FAM81A: variants seen among roughly 807,000 people sequenced by gnomAD.
FAM81A encodes the protein family with sequence similarity 81 member A.
A neutral mutation model predicts 46.7 loss-of-function variants in FAM81A; 19 were observed. The observed-to-expected ratio is 0.41, with a 90% CI of 0.28 to 0.60. The LOEUF (loss-of-function observed/expected upper bound fraction) is 0.60. Among genes scored for constraint, FAM81A ranks in the 20% least tolerant of loss-of-function variants. The pLI is 0.34. For synonymous variants in FAM81A, 183 were observed against 152.9 expected (o/e 1.20, Z -1.45); for missense variants, 377 against 453.5 (o/e 0.83, Z 1.53).
intron 5 of FAM81A, among the ~76,000 whole-genome samples, chr15:59,507,674 T>C (rs531733413): frequency 7.4e-4 from 112 of 152,340 alleles, no homozygotes; most frequent in African/African-American, 2.4e-3. Context: ...ATCCTTTACA[T>C]GCCACTCGTC....
chr15:59,451,752 C>A (rs1010135393), intron 1 of FAM81A, among the ~76,000 whole-genome samples: 1 of 152,186 alleles, frequency 6.6e-6, no homozygotes, highest in Non-Finnish European at 1.5e-5. Flanking sequence ...CACATCTGGT[C>A]ACCAATACAT....
At chr15:59,416,755 A>G (rs933403242) in intron 2 of FAM81A, among the ~76,000 whole-genome samples, 6 of 152,148 alleles carry the variant, frequency 3.9e-5, no homozygotes, top group Admixed American at 2.6e-4. Flanking sequence ...TAATGACCCT[A>G]TGAAGCAGGT....
intron 2 of FAM81A, among the ~76,000 whole-genome samples, chr15:59,412,581 G>A (rs1406772156): frequency 6.6e-6 from 1 of 152,212 alleles, no homozygotes; most frequent in African/African-American, 2.4e-5. Context: ...ACAAAAATTA[G>A]CTTGGCGTGG....
chr15:59,453,404 G>C (rs1230649456), intron 1 of FAM81A, among the ~76,000 whole-genome samples: 3 of 152,192 alleles, frequency 2.0e-5, no homozygotes, highest in African/African-American at 7.2e-5. Context: ...ACATAAATGT[G>C]CTTCATGAGT....
intron 3 of FAM81A, among the ~76,000 whole-genome samples, chr15:59,484,792 G>C (rs1472938293): frequency 3.3e-5 from 5 of 152,176 alleles, no homozygotes; most frequent in Admixed American, 3.3e-4. Flanking sequence ...CTTGGCCACA[G>C]TGGAGAGGAG....
chr15:59,433,431 T>C (rs1358695923), upstream of FAM81A, among the ~76,000 whole-genome samples: 3 of 152,136 alleles, frequency 2.0e-5, no homozygotes, highest in Non-Finnish European at 4.4e-5. Flanking sequence ...ATTAAAAGGA[T>C]CTTCTCAATA....
intron 1 of FAM81A, among the ~76,000 whole-genome samples, chr15:59,449,563 C>T (rs1051183737): frequency 2.0e-5 from 3 of 152,074 alleles, no homozygotes; most frequent in East Asian, 1.9e-4. Flanking sequence ...GGGCGGATCA[C>T]GAGGTCAGGA....
intron 3 of FAM81A, among the ~76,000 whole-genome samples, chr15:59,461,580 C>T (rs908598628): frequency 2.0e-5 from 3 of 152,174 alleles, no homozygotes; most frequent in African/African-American, 7.2e-5. Context: ...CTCAGCCTCC[C>T]AAAGTGCTGG....
At chr15:59,449,551 G>A (rs1264799820) in intron 1 of FAM81A, among the ~76,000 whole-genome samples, 2 of 152,086 alleles carry the variant, frequency 1.3e-5, no homozygotes, top group Non-Finnish European at 2.9e-5. Context: ...GGAGGCCAAG[G>A]CGGGCGGATC....
chr15:59,433,324 T>C (rs933663135), upstream of FAM81A, among the ~76,000 whole-genome samples: 1 of 151,678 alleles, frequency 6.6e-6, no homozygotes, highest in Non-Finnish European at 1.5e-5. Flanking sequence ...GAAAGTGTTA[T>C]GTTGAGGGCT....
chr15:59,487,369 AAGAGC>A (rs1405039021), intron 3 of FAM81A, among the ~76,000 whole-genome samples: 1 of 148,972 alleles, frequency 6.7e-6, no homozygotes, highest in Non-Finnish European at 1.5e-5. Flanking sequence ...TCAGAAAAGC[AAGAGC>A]AAACCAAACC....
intron 2 of FAM81A, among the ~76,000 whole-genome samples, chr15:59,412,437 T>C (rs1408191085): frequency 6.6e-6 from 1 of 152,060 alleles, no homozygotes; most frequent in African/African-American, 2.4e-5. Flanking sequence ...CAAAGAATAG[T>C]GTTACAAGCC....
chr15:59,433,389 A>C (rs375553729), upstream of FAM81A, among the ~76,000 whole-genome samples: 66 of 152,170 alleles, frequency 4.3e-4, no homozygotes, highest in African/African-American at 1.5e-3. Context: ...GTTATGTACA[A>C]CTGCAATTAT....
intron 3 of FAM81A, among the ~76,000 whole-genome samples, chr15:59,465,387 C>T (rs1486645682): frequency 1.3e-5 from 2 of 152,184 alleles, no homozygotes; most frequent in Non-Finnish European, 2.9e-5. Flanking sequence ...TTTCTCCTGC[C>T]TCAGCCTCCT....
intron 2 of FAM81A, among the ~76,000 whole-genome samples, chr15:59,425,098 T>C (rs534612960): frequency 1.2e-4 from 19 of 152,270 alleles, no homozygotes; most frequent in African/African-American, 4.6e-4. Context: ...TTGACTAGGC[T>C]GGTCTCAAAC....
intron 6 of FAM81A, among the ~76,000 whole-genome samples, chr15:59,509,452 G>A (rs1428776477): frequency 6.6e-6 from 1 of 152,194 alleles, no homozygotes; most frequent in Non-Finnish European, 1.5e-5. Context: ...GGCAAAAGGG[G>A]ACTTTGCAGA....
At chr15:59,407,514 C>T (rs2081101594) in intron 2 of FAM81A, 1 of 154,948 alleles carries the variant, frequency 6.5e-6, no homozygotes, top group East Asian at 1.9e-4. Context: ...CCAGGATGGT[C>T]TTGATCTCCT....
At chr15:59,519,709 T>C (rs1344109648) in intron 8 of FAM81A, among the ~76,000 whole-genome samples, 1 of 151,640 alleles carries the variant, frequency 6.6e-6, no homozygotes, top group Non-Finnish European at 1.5e-5. Context: ...ATGTCCTCCA[T>C]TTTTATCCAT....
In FAM81A at chr15:59,477,298, T is replaced by A. The variant is rs889094629; in HGVS notation, c.295-14973T>A. Among the ~76,000 whole-genome samples the A allele has an allele frequency of 5.3e-5, 8 of 152,050 alleles. 1 individual carries two copies. In the East Asian group the frequency reaches 5.8e-4, roughly 11 times the overall value. Reference sequence around the variant, plus strand: ...ATATCTTCTGTAAATTGCCTGAGTTTTTATTATTATTATTATTGCTGGTTT... The same window carrying A: ...ATATCTTCTGTAAATTGCCTGAGTTATTATTATTATTATTATTGCTGGTTT... On this transcript the variant is annotated intron_variant, in intron 3 of 8. Coordinates refer to ENST00000288228, the MANE Select transcript of FAM81A (RefSeq NM_152450.3).
Sources: allele counts gnomAD v4.1 joint callset (sites outside exome capture counted in the v4.1 genomes callset), GRCh38; gene constraint gnomAD v4.1.1; transcripts MANE v1.5; gene names NCBI Gene and HGNC (gene_info 2026-07-23, HGNC 2026-07-21).